The following UPK3A variants were observed in gnomAD, a reference collection of about 807,000 sequenced individuals.
UPK3A encodes the protein uroplakin 3A.
In UPK3A, 32 loss-of-function variants were observed where a neutral mutation model predicts 27.6. That is an observed-to-expected ratio of 1.16 (90% confidence interval 0.87 to 1.55). The LOEUF is 1.55. Among genes scored for constraint, UPK3A ranks in the 40% most tolerant of loss-of-function variants. UPK3A has a pLI of 0.00. For missense variants in UPK3A, 370 were observed against 367.9 expected, an observed-to-expected ratio of 1.01 and a Z score of -0.05; for synonymous variants, 171 against 163.9, an observed-to-expected ratio of 1.04 and a Z score of -0.33.
In UPK3A at chr22:45,293,205, C is replaced by G. The variant is rs777174751; in HGVS notation, c.596C>G (p.Thr199Arg). The G allele has an allele frequency of 6.2e-7, 1 of 1,613,940 alleles. No individual in the cohort carries two copies. Among genetic ancestry groups the G allele is most frequent in the African/African-American group, 1.3e-5 (1 of 74,944 alleles). The change falls in exon 5 of 6, where the codon ACG becomes AGG. Residue 199 changes from threonine to arginine, a missense_variant. Transcript: ENST00000216211. The part of the protein sequence containing the change: ...NQLTPYSTID[T>R]WPGRRSGGMI... ...GTCACCCCATACTCGACGATCGACA[C>G]GTGGCCAGGCCGGCGGAGCGGAGGC...
At chr22:45,293,756 TG>T (rs1384177706) in intron 5 of UPK3A, among the ~76,000 whole-genome samples, 4 of 152,192 alleles carry the variant, frequency 2.6e-5, no homozygotes, top group Non-Finnish European at 4.4e-5. Flanking sequence ...AACAAGCATT[TG>T]CTTTCGTTGT....
At chr22:45,291,889 C>CA (rs1569106077) in intron 4 of UPK3A, among the ~76,000 whole-genome samples, 1 of 82,570 alleles carries the variant, frequency 1.2e-5, no homozygotes, top group African/African-American at 4.7e-5. Flanking sequence ...TGTGGCAGGG[C>CA]GTGTGAGTTG....
chr22:45,285,865 T>C lies in UPK3A; in HGVS notation c.53-76T>C, dbSNP rs1312998094. On this transcript the variant is annotated intron_variant, in intron 1 of 5. Transcript: ENST00000216211. ...AGCCCAGGGCCTGGCACACAACACGTGCTCAGTAACTGCAAGCAGAGTGGG... is the reference window on the plus strand; with the variant it reads ...AGCCCAGGGCCTGGCACACAACACGCGCTCAGTAACTGCAAGCAGAGTGGG... 15 of 1,603,634 alleles carry C rather than the reference T, an allele frequency of 9.4e-6. No individual in the cohort carries two copies. In the Admixed American group the frequency reaches 2.4e-4, roughly 25 times the overall value.
At position 45,287,301 on chromosome 22, in the gene UPK3A, T is replaced by C; in HGVS notation, c.338T>C (p.Leu113Pro). The part of the protein sequence containing the change: ...VAFDLIPCSD[L>P]PSLDAIGDVS... Reference sequence around the variant, plus strand: ...TTTGACCTGATCCCCTGCAGTGACCTGCCCAGCCTGGATGCCATTGGGGAT... The same window carrying C: ...TTTGACCTGATCCCCTGCAGTGACCCGCCCAGCCTGGATGCCATTGGGGAT... Residue 113 changes from leucine (L) to proline (P), a missense_variant, in exon 3 of 6, where the codon CTG (leucine) becomes CCG (proline). By Grantham distance (98) the Leu-to-Pro change is moderately conservative. Transcript: ENST00000216211. 6.2e-7 allele frequency: 1 copy of C among 1,614,210 alleles called. No individual in the cohort carries two copies. The highest frequency in any genetic ancestry group is 8.5e-7 in the Non-Finnish European group (1 of 1,180,034).
chr22:45,287,188 C>T lies in UPK3A; in HGVS notation c.225C>T (p.Ala75=). 1 of 1,614,176 alleles carries T rather than the reference C, an allele frequency of 6.2e-7. No homozygotes were observed. The highest frequency in any genetic ancestry group is 8.5e-7 in the Non-Finnish European group (1 of 1,180,042). The change falls in exon 3 of 6, where the codon GCC becomes GCT. Residue 75 remains alanine, a synonymous_variant. Transcript: ENST00000216211. ...CCTCTGCAGCCATTTCCAGGAATGC[C>T]TCAGTGCAAGACAGCACCAACACCC... is the stretch of plus-strand genomic sequence containing the variant. ...VLVDSAISRN[A]SVQDSTNTPL...
chr22:45,285,997 C>G lies in UPK3A; in HGVS notation c.109C>G (p.Leu37Val), dbSNP rs1188158446. 1 of 1,614,092 alleles carries G rather than the reference C, an allele frequency of 6.2e-7. No individual in the cohort carries two copies. Among genetic ancestry groups the G allele is most frequent in the East Asian group, 2.2e-5 (1 of 44,898 alleles). The change falls in exon 2 of 6, where the codon CTT becomes GTT. Residue 37 changes from leucine to valine, a missense_variant. Physicochemically the swap from Leu to Val is conservative, Grantham distance 32. Coordinates refer to ENST00000216211, the MANE Select transcript of UPK3A (RefSeq NM_006953.4). ...SVTFATNNPT[L>V]TTVALEKPLC... ...GACTTTCGCCACCAACAACCCCACA[C>G]TTACCACTGTGGCCTTGGAAAAGCC...
chr22:45,289,902 C>T (rs1179917087), intron 4 of UPK3A, among the ~76,000 whole-genome samples: 2 of 152,150 alleles, frequency 1.3e-5, no homozygotes, highest in Non-Finnish European at 2.9e-5. Context: ...CCCATTCCTC[C>T]GTCTCTCCAG....
chr22:45,291,035 A>G (rs571323124), intron 4 of UPK3A, among the ~76,000 whole-genome samples: 1 of 152,356 alleles, frequency 6.6e-6, no homozygotes, highest in South Asian at 2.1e-4. Context: ...AAGTAATAAT[A>G]TAGAAATAAG....
chr22:45,293,431 T>C, intron 5 of UPK3A, 118 bp downstream of exon 5: 1 of 1,342,714 alleles, frequency 7.4e-7, no homozygotes, highest in East Asian at 2.3e-5. Context: ...GCAAGGAAGC[T>C]ACCCTCTGCC....
At chr22:45,294,866 C>T (rs933735912) in intron 5 of UPK3A, among the ~76,000 whole-genome samples, 1 of 151,138 alleles carries the variant, frequency 6.6e-6, no homozygotes, top group Non-Finnish European at 1.5e-5. Flanking sequence ...GGATGCCTTT[C>T]TCTTCCCCTA....
chr22:45,291,312 G>GGGTGTGTGT (rs2084159107), intron 4 of UPK3A, among the ~76,000 whole-genome samples: 1 of 150,972 alleles, frequency 6.6e-6, no homozygotes, highest in Non-Finnish European at 1.5e-5. Context: ...GTGTGAATGA[G>GGGTGTGTGT]GGTGTGTGTG....
chr22:45,286,409 A>G lies in UPK3A; in HGVS notation c.208+313A>G, dbSNP rs376118877. Among the ~76,000 whole-genome samples the G allele has an allele frequency of 3.3e-5, 5 of 152,236 alleles. No individual in the cohort carries two copies. In the East Asian group the frequency reaches 5.8e-4, roughly 18 times the overall value. ...GGGAAGCAAGGCTCAGAGAGGTGGA[A>G]TAACCCCCCCTGGACCTCCCAGGGC... On this transcript the variant is annotated intron_variant, in intron 2 of 5. Transcript: ENST00000216211.
chr22:45,292,639 C>G (rs957444508), intron 4 of UPK3A, among the ~76,000 whole-genome samples: 2 of 152,136 alleles, frequency 1.3e-5, no homozygotes, highest in African/African-American at 4.8e-5. Context: ...GGTGGTGGCT[C>G]ACACCTATAA....
At chr22:45,293,107 C>A (rs1002306058) in intron 4 of UPK3A, 74 bp from the exon 5 acceptor site, 318 of 1,596,138 alleles carry the variant, frequency 2.0e-4, no homozygotes, top group Non-Finnish European at 3.3e-5. Context: ...GCGGGGGAGA[C>A]ACCCGCCGCC....
chr22:45,288,649 TCA>T (rs1284359824), intron 3 of UPK3A, among the ~76,000 whole-genome samples: 2 of 152,230 alleles, frequency 1.3e-5, no homozygotes, highest in African/African-American at 4.8e-5. Context: ...TTTTTCTTTT[TCA>T]GTTTTCTTTG....
intron 1 of UPK3A, among the ~76,000 whole-genome samples, chr22:45,285,276 C>T (rs2084109694): frequency 6.6e-6 from 1 of 152,216 alleles, no homozygotes; most frequent in Non-Finnish European, 1.5e-5. Flanking sequence ...TTGCAAGAGA[C>T]CAACATGCAG....
At chr22:45,288,955 C>T (rs2084139200) in intron 3 of UPK3A, 106 bp from the exon 4 acceptor site, 9 of 1,061,356 alleles carry the variant, frequency 8.5e-6, no homozygotes, top group Non-Finnish European at 1.3e-5. Context: ...GGAAGGGCCC[C>T]CGCTGCCGTC....
chr22:45,294,422 G>A (rs1324612180), intron 5 of UPK3A, among the ~76,000 whole-genome samples: 6 of 136,508 alleles, frequency 4.4e-5, no homozygotes, highest in African/African-American at 1.9e-4. Context: ...CACCCCCCCC[G>A]GGAGACCTCG....
At chr22:45,293,511 A>C (rs1008266119) in intron 5 of UPK3A, among the ~76,000 whole-genome samples, 198 bp downstream of exon 5, 4 of 152,086 alleles carry the variant, frequency 2.6e-5, no homozygotes, top group Non-Finnish European at 5.9e-5. Flanking sequence ...ATCAAAGTCA[A>C]GTTGCTCAGC....
Sources: gnomAD v4.1 joint callset for allele counts (sites outside exome capture counted in the v4.1 genomes callset) on GRCh38, gnomAD v4.1.1 for gene constraint, MANE v1.5 for transcripts, NCBI Gene and HGNC (gene_info 2026-07-23, HGNC 2026-07-21) for gene names.